The following ZFHX3 variants were observed in gnomAD, a reference collection of about 807,000 sequenced individuals.
ZFHX3 encodes zinc finger homeobox 3.
Under a neutral mutation model 279.1 loss-of-function variants are expected in ZFHX3, and 42 were observed. The observed-to-expected ratio is 0.15, with a 90% confidence interval of 0.12 to 0.19. The LOEUF (loss-of-function observed/expected upper bound fraction) is 0.19, where lower values mean the gene tolerates loss of function less well. Ranked by LOEUF, ZFHX3 falls within the 10% of genes least tolerant of loss-of-function variation. The pLI is 1.00. For synonymous variants in ZFHX3, 2,293 were observed against 1,957.8 expected, an observed-to-expected ratio of 1.17 and a Z score of -4.52; for missense variants, 4,981 against 4,754.0, an observed-to-expected ratio of 1.05 and a Z score of -1.40.
At chr16:73,646,265 C>G (rs144139265) in intron 2 of ZFHX3, among the ~76,000 whole-genome samples, 28 of 152,226 alleles carry the variant, frequency 1.8e-4, no homozygotes, top group African/African-American at 3.6e-4. Flanking sequence ...GATTGATACA[C>G]ATTTACTGAT....
chr16:73,533,776 C>T (rs1232984998), intron 2 of ZFHX3, among the ~76,000 whole-genome samples: 1 of 152,248 alleles, frequency 6.6e-6, no homozygotes, highest in Non-Finnish European at 1.5e-5. Flanking sequence ...GGGAGGTCAT[C>T]TTGAACTCCC....
chr16:73,755,968 C>T (rs961003243), intron 1 of ZFHX3, among the ~76,000 whole-genome samples: 1 of 152,146 alleles, frequency 6.6e-6, no homozygotes, highest in African/African-American at 2.4e-5. Context: ...TAGCACATGC[C>T]AAGATGAACT....
At chr16:73,702,905 T>C (rs1022883189) in intron 1 of ZFHX3, among the ~76,000 whole-genome samples, 5 of 152,158 alleles carry the variant, frequency 3.3e-5, no homozygotes, top group Admixed American at 1.3e-4. Context: ...ATTCAAGTGA[T>C]GGTGAAATGA....
chr16:73,355,016 A>G (rs992687162), intron 3 of ZFHX3, among the ~76,000 whole-genome samples: 6 of 152,250 alleles, frequency 3.9e-5, no homozygotes, highest in Admixed American at 1.3e-4. Flanking sequence ...TAAACCACAG[A>G]GAGAAAGAAA....
chr16:73,794,561 T>C (rs957148497), intron 1 of ZFHX3, among the ~76,000 whole-genome samples: 6 of 152,164 alleles, frequency 3.9e-5, no homozygotes, highest in Non-Finnish European at 8.8e-5. Context: ...TTTATAACCA[T>C]GAGGCGATCC....
At chr16:73,108,708 C>A (rs939466027) in intron 7 of ZFHX3, among the ~76,000 whole-genome samples, 3 of 152,222 alleles carry the variant, frequency 2.0e-5, no homozygotes, top group Non-Finnish European at 4.4e-5. Flanking sequence ...TGACTCTGGC[C>A]TTCTCCACTG....
intron 2 of ZFHX3, among the ~76,000 whole-genome samples, chr16:73,674,735 A>G (rs2052937225): frequency 6.6e-6 from 1 of 152,240 alleles, no homozygotes; most frequent in South Asian, 2.1e-4. Context: ...AAAAGTGCTT[A>G]TATGTTGACA....
chr16:73,046,602 C>G (rs117452615), intron 1 of ZFHX3, among the ~76,000 whole-genome samples: 10 of 152,194 alleles, frequency 6.6e-5, no homozygotes, highest in Admixed American at 5.9e-4. Context: ...TCTACAAACT[C>G]GCACCTGCTG....
At chr16:73,794,980 C>T (rs1959949344) in intron 1 of ZFHX3, among the ~76,000 whole-genome samples, 1 of 152,192 alleles carries the variant, frequency 6.6e-6, no homozygotes, top group Non-Finnish European at 1.5e-5. Context: ...TATTCATAAA[C>T]ACACCCAGGA....
chr16:73,279,523 CTAG>C (rs2014403972), intron 4 of ZFHX3, among the ~76,000 whole-genome samples: 1 of 152,170 alleles, frequency 6.6e-6, no homozygotes, highest in South Asian at 2.1e-4. Context: ...ATGGAAATTG[CTAG>C]TAGACTCTCT....
chr16:73,041,105 T>A (rs1041311142), intron 1 of ZFHX3, among the ~76,000 whole-genome samples: 1 of 152,216 alleles, frequency 6.6e-6, no homozygotes, highest in African/African-American at 2.4e-5. Flanking sequence ...CAAGCAGTGC[T>A]CTGGTCCTCA....
intron 1 of ZFHX3, among the ~76,000 whole-genome samples, chr16:73,777,091 C>A (rs1331600787): frequency 6.6e-6 from 1 of 152,200 alleles, no homozygotes; most frequent in African/African-American, 2.4e-5. Context: ...AAGGAACACA[C>A]ACCATCTAAC....
At chr16:73,110,557 A>G (rs1966360548) in intron 7 of ZFHX3, among the ~76,000 whole-genome samples, 1 of 152,164 alleles carries the variant, frequency 6.6e-6, no homozygotes, top group Non-Finnish European at 1.5e-5. Context: ...AGGATCACTA[A>G]TTCTTTGTAT....
At chr16:73,493,558 C>T (rs974713788) in intron 2 of ZFHX3, among the ~76,000 whole-genome samples, 3 of 152,190 alleles carry the variant, frequency 2.0e-5, no homozygotes, top group African/African-American at 7.2e-5. Flanking sequence ...ACAGCTGCTT[C>T]CAGCATGGGC....
chr16:73,262,483 T>C (rs2013853056), intron 4 of ZFHX3, among the ~76,000 whole-genome samples: 1 of 152,214 alleles, frequency 6.6e-6, no homozygotes, highest in African/African-American at 2.4e-5. Context: ...ATTCAACCTC[T>C]ATCTGCCTCA....
intron 8 of ZFHX3, among the ~76,000 whole-genome samples, chr16:73,074,150 A>T (rs1479020289): frequency 1.3e-5 from 2 of 152,214 alleles, no homozygotes; most frequent in Non-Finnish European, 2.9e-5. Context: ...TATGACCTTT[A>T]TTGTGGCATC....
intron 2 of ZFHX3, among the ~76,000 whole-genome samples, chr16:73,601,228 G>T (rs180787378): frequency 6.6e-6 from 1 of 151,060 alleles, no homozygotes; most frequent in Admixed American, 6.6e-5. Context: ...TGAAGCGGGT[G>T]GATCACAAGG....
At chr16:73,134,852 C>A (rs1354730153) in intron 6 of ZFHX3, among the ~76,000 whole-genome samples, 1 of 152,070 alleles carries the variant, frequency 6.6e-6, no homozygotes, top group African/African-American at 2.4e-5. Flanking sequence ...TTTTAGAAGT[C>A]ATCATGTGAT....
chr16:72,792,365 A>G (rs1030191143), intron 9 of ZFHX3, among the ~76,000 whole-genome samples: 24 of 152,352 alleles, frequency 1.6e-4, no homozygotes, highest in African/African-American at 5.8e-4. Flanking sequence ...GCACTCAAGT[A>G]GAACGGCCAT....
Sources: allele counts gnomAD v4.1 joint callset (sites outside exome capture counted in the v4.1 genomes callset), GRCh38; gene constraint gnomAD v4.1.1; transcripts MANE v1.5; gene names NCBI Gene and HGNC (gene_info 2026-07-23, HGNC 2026-07-21).